Variants in DNAH12 observed in about 807,000 individuals in gnomAD.
DNAH12 encodes axonemal beta dynein heavy chain 12.
A neutral mutation model predicts 371.5 loss-of-function variants in DNAH12; 285 were observed. That is an observed-to-expected ratio of 0.77 (90% CI 0.70 to 0.85). The LOEUF (loss-of-function observed/expected upper bound fraction) is 0.85, where lower values mean the gene tolerates loss of function less well. Among genes scored for constraint, DNAH12 ranks in the 40% least tolerant of loss-of-function variants. DNAH12 has a pLI of 0.00. For missense variants in DNAH12, 3,611 were observed against 3,689.4 expected, an observed-to-expected ratio of 0.98 and a Z score of 0.55; for synonymous variants, 1,200 against 1,213.0, an observed-to-expected ratio of 0.99 and a Z score of 0.22.
chr3:57,390,706 A>T (rs928988537), intron 45 of DNAH12, among the ~76,000 whole-genome samples: 3 of 151,814 alleles, frequency 2.0e-5, no homozygotes, highest in Non-Finnish European at 4.4e-5. Flanking sequence ...AGGCAGTGAC[A>T]GTCTGTCTTA....
At chr3:57,423,028 G>A (rs1378032772) in intron 35 of DNAH12, among the ~76,000 whole-genome samples, 2 of 152,088 alleles carry the variant, frequency 1.3e-5, no homozygotes, top group East Asian at 1.9e-4. Flanking sequence ...ATTCTATATA[G>A]GGCACCGGCA....
chr3:57,372,346 G>A (rs1278059078), intron 55 of DNAH12, among the ~76,000 whole-genome samples: 2 of 152,024 alleles, frequency 1.3e-5, no homozygotes, highest in Non-Finnish European at 2.9e-5. Flanking sequence ...TTCACATGAA[G>A]TGTTAAAGGA....
chr3:57,427,449 G>A (rs1324736809), intron 34 of DNAH12, among the ~76,000 whole-genome samples: 1 of 152,098 alleles, frequency 6.6e-6, no homozygotes, highest in Non-Finnish European at 1.5e-5. Flanking sequence ...AACTTTGGGA[G>A]GCCAAGGTGG....
At chr3:57,448,496 G>A (rs1399666454) in intron 25 of DNAH12, among the ~76,000 whole-genome samples, 1 of 152,080 alleles carries the variant, frequency 6.6e-6, no homozygotes, top group African/African-American at 2.4e-5. Context: ...CTTCAGGAGT[G>A]AAGCTGTAGG....
At chr3:57,513,109 G>A (rs1180741032) in intron 4 of DNAH12, among the ~76,000 whole-genome samples, 3 of 150,990 alleles carry the variant, frequency 2.0e-5, no homozygotes, top group African/African-American at 7.3e-5. Context: ...CTGCACTCCA[G>A]CCTGGCAACA....
chr3:57,435,999 T>C (rs971010336), intron 30 of DNAH12, among the ~76,000 whole-genome samples: 1 of 151,952 alleles, frequency 6.6e-6, no homozygotes, highest in African/African-American at 2.4e-5. Flanking sequence ...CCAAGAACAG[T>C]ATTTTCTCTA....
In DNAH12 at chr3:57,504,617, T is replaced by C. The variant is rs548941669; in HGVS notation, c.898-413A>G. On this transcript the variant is annotated intron_variant, in intron 8 of 73. Transcript: ENST00000495027. ...CTTATTAATTTTTAATATTTGTGGG[T>C]ACATAATAGGTGTATATAAGGGTTA... Among the ~76,000 whole-genome samples the C allele has an allele frequency of 2.3e-3, 352 of 152,212 alleles. 1 individual carries two copies. The highest frequency in any genetic ancestry group is 3.9e-3 in the Non-Finnish European group (267 of 68,002).
At chr3:57,470,709 T>C in intron 15 of DNAH12, 73 bp from the exon 16 acceptor site, 4 of 1,208,524 alleles carry the variant, frequency 3.3e-6, no homozygotes, top group Non-Finnish European at 3.4e-6. Flanking sequence ...TATGATACTG[T>C]GTACAATATG....
intron 18 of DNAH12, 100 bp from the exon 19 acceptor site, chr3:57,461,789 C>T (rs1315223509): frequency 2.8e-5 from 26 of 927,642 alleles, no homozygotes; most frequent in Non-Finnish European, 3.9e-5. Context: ...TGATGTATTA[C>T]ATTATCATTT....
chr3:57,421,134 A>C lies in DNAH12; in HGVS notation c.5562+384T>G, dbSNP rs138696191. 3.4e-4 allele frequency among the ~76,000 whole-genome samples: 52 copies of C among 152,132 alleles called. No individual in the cohort carries two copies. In the East Asian group the frequency reaches 9.1e-3, roughly 27 times the overall value. ...TCAAGTTCTGGCTCTGCTAGCCATT[A>C]ATCTTTTTAGGTTTACTTCCTTATC... is the stretch of plus-strand genomic sequence containing the variant. On this transcript the variant is annotated intron_variant, in intron 36 of 73. Coordinates refer to ENST00000495027, the MANE Select transcript of DNAH12 (RefSeq NM_001366028.2).
intron 5 of DNAH12, among the ~76,000 whole-genome samples, chr3:57,510,361 T>A (rs9869463): frequency 6.6e-6 from 1 of 151,528 alleles, no homozygotes; most frequent in African/African-American, 2.4e-5. Flanking sequence ...TAGTTAAGGC[T>A]GGGCTGAGTG....
In DNAH12 at chr3:57,471,477, G is replaced by C. The variant is rs1479983025; in HGVS notation, c.1906C>G (p.Gln636Glu). 7.1e-6 allele frequency: 11 copies of C among 1,544,280 alleles called. No individual in the cohort carries two copies. In the Admixed American group the frequency reaches 1.0e-4, roughly 14 times the overall value. ...FTEFAELERM[Q>E]QYVTDVRQLQ... ...GTCTCATATATTTATCAGACCTGTT[G>C]CATGCGCTCCAGCTCTGCAAATTCT... Residue 636 changes from glutamine to glutamate, a missense_variant, in exon 15 of 74, where the codon CAA (glutamine) becomes GAA (glutamate). Gln to Glu is a conservative substitution (Grantham distance 29, BLOSUM62 2). Around this residue, in one of 3 missense-constraint regions of DNAH12, gnomAD observed 1,314 missense variants for 1,398.7 expected, o/e 0.94. Coordinates refer to ENST00000495027, the MANE Select transcript of DNAH12 (RefSeq NM_001366028.2).
At chr3:57,371,692 A>ACAC (rs2063174086) in intron 55 of DNAH12, among the ~76,000 whole-genome samples, 2 of 117,352 alleles carry the variant, frequency 1.7e-5, no homozygotes, top group African/African-American at 6.3e-5. Context: ...CACACACACA[A>ACAC]ACACACGTGC....
chr3:57,457,453 C>A (rs1279313573), intron 22 of DNAH12, among the ~76,000 whole-genome samples: 1 of 152,138 alleles, frequency 6.6e-6, no homozygotes, highest in Non-Finnish European at 1.5e-5. Flanking sequence ...TCACCTTCTC[C>A]AATAGCCTAT....
intron 11 of DNAH12, among the ~76,000 whole-genome samples, chr3:57,499,673 T>TATATATATATATATATATACACAC (rs771112538): frequency 4.0e-4 from 18 of 44,452 alleles, no homozygotes; most frequent in African/African-American, 1.6e-3. Context: ...TATATATATA[T>TATATATATATATATATATACACAC]ATACTTCTTA....
chr3:57,516,961 C>T (rs1019929782), intron 4 of DNAH12, among the ~76,000 whole-genome samples: 5 of 152,112 alleles, frequency 3.3e-5, no homozygotes, highest in Non-Finnish European at 1.5e-5. Context: ...TTTATACTTT[C>T]CCATGAGCTC....
At chr3:57,491,101 A>AAAAAAAAC (rs2067109745) in intron 11 of DNAH12, among the ~76,000 whole-genome samples, 1 of 147,766 alleles carries the variant, frequency 6.8e-6, no homozygotes, top group Non-Finnish European at 1.5e-5. Flanking sequence ...AAAAAAAAAA[A>AAAAAAAAC]CAACAAATAA....
chr3:57,306,417 TC>T (rs2061472139), intron 69 of DNAH12, among the ~76,000 whole-genome samples: 1 of 152,096 alleles, frequency 6.6e-6, no homozygotes, highest in Non-Finnish European at 1.5e-5. Flanking sequence ...TTTTTAGTTA[TC>T]CCCACCTGCC....
intron 30 of DNAH12, among the ~76,000 whole-genome samples, chr3:57,436,142 T>C (rs1238913221): frequency 6.6e-6 from 1 of 151,922 alleles, no homozygotes; most frequent in African/African-American, 2.4e-5. Flanking sequence ...AGAAGTAGAT[T>C]CAGGTTTTAA....
Sources: gnomAD v4.1 joint callset for allele counts (sites outside exome capture counted in the v4.1 genomes callset) on GRCh38, gnomAD v4.1.1 for gene constraint, gnomAD v4.1.1 regional missense constraint, MANE v1.5 for transcripts, NCBI Gene and HGNC (gene_info 2026-07-23, HGNC 2026-07-21) for gene names.